The following NRCAM variants were observed in gnomAD, a reference collection of about 807,000 sequenced individuals.
NRCAM encodes NgCAM-related cell adhesion molecule.
A neutral mutation model predicts 156.5 loss-of-function variants in NRCAM; 83 were observed. The observed-to-expected ratio is 0.53, with a 90% CI of 0.44 to 0.64. The LOEUF is 0.64. Ranked by LOEUF, NRCAM falls within the 30% of genes least tolerant of loss-of-function variation. The pLI, the probability that NRCAM is intolerant of heterozygous loss-of-function variation, is 0.00. For missense variants in NRCAM, 1,417 were observed against 1,597.3 expected (o/e 0.89, Z 1.92); for synonymous variants, 538 against 563.9 (o/e 0.95, Z 0.65).
chr7:108,279,182 A>G (rs2097763244), intron 3 of NRCAM, among the ~76,000 whole-genome samples: 1 of 152,244 alleles, frequency 6.6e-6, no homozygotes, highest in Admixed American at 6.5e-5. Context: ...TAGCATGACT[A>G]AAATCGCTGG....
intron 9 of NRCAM, 48 bp from the exon 10 acceptor site, chr7:108,225,749 G>A (rs778153913): frequency 2.6e-6 from 3 of 1,147,776 alleles, no homozygotes; most frequent in Non-Finnish European, 4.0e-6. Flanking sequence ...TGGGGGAGAA[G>A]GGTCAAAAAG....
chr7:108,274,032 G>A (rs2097488384), intron 3 of NRCAM, among the ~76,000 whole-genome samples: 1 of 152,132 alleles, frequency 6.6e-6, no homozygotes, highest in Non-Finnish European at 1.5e-5. Context: ...TCTCAGGTTT[G>A]TCAAAGATTA....
At chr7:108,357,490 C>A (rs2099513546) in intron 2 of NRCAM, among the ~76,000 whole-genome samples, 2 of 152,114 alleles carry the variant, frequency 1.3e-5, no homozygotes, top group Non-Finnish European at 2.9e-5. Flanking sequence ...GCCACCACGA[C>A]TGGCTCATTT....
intron 2 of NRCAM, among the ~76,000 whole-genome samples, chr7:108,341,338 C>A (rs181343034): frequency 6.6e-6 from 1 of 152,204 alleles, no homozygotes; most frequent in African/African-American, 2.4e-5. Flanking sequence ...GACACTGGCT[C>A]GGCCTTCTCA....
At position 108,148,658 on chromosome 7, in the gene NRCAM, T is replaced by C. The variant is rs2150775245; in HGVS notation, c.*1252A>G. 6.5e-6 allele frequency: 1 copy of C among 152,798 alleles called. No individual in the cohort carries two copies. The highest frequency in any genetic ancestry group is 1.5e-5 in the Non-Finnish European group (1 of 68,014). The allele number at this position is 152,798 out of a possible 1,614,324, so 9.5% of individuals were successfully genotyped here. On this transcript the variant is annotated 3_prime_UTR_variant, in exon 33 of 33. Transcript: ENST00000379028. ...GTATCCATAACAATTTGCATACACG[T>C]TGTTTAATGCTGCAGAGTTTTGAAC...
In NRCAM at chr7:108,159,464, T is replaced by G. The variant is rs1285372087; in HGVS notation, c.3676A>C (p.Ser1226Arg). Reference sequence around the variant, plus strand: ...AAGAGCAGAGAAGCAGGGGCTCACCTGTATTCTCCAAATGTCCCATCATCT... The same window carrying G: ...AAGAGCAGAGAAGCAGGGGCTCACCGGTATTCTCCAAATGTCCCATCATCT... Reference protein sequence around the residue: ...KEDDGTFGEYSDAEDHKPLKK... With the variant: ...KEDDGTFGEYRDAEDHKPLKK... Residue 1226 changes from serine to arginine, a missense_variant and splice_region_variant, in exon 32 of 33, where the codon AGT (serine) becomes CGT (arginine). Ser to Arg is a moderately radical substitution (Grantham distance 110). Coordinates refer to ENST00000379028, the MANE Select transcript of NRCAM (RefSeq NM_001037132.4). The G allele has an allele frequency of 6.2e-7, 1 of 1,612,520 alleles. No individual in the cohort carries two copies. Among genetic ancestry groups the G allele is most frequent in the African/African-American group, 1.3e-5 (1 of 74,872 alleles).
chr7:108,240,479 A>G (rs2095448933), intron 3 of NRCAM, among the ~76,000 whole-genome samples: 1 of 152,198 alleles, frequency 6.6e-6, no homozygotes, highest in Non-Finnish European at 1.5e-5. Context: ...GATCAGGAAA[A>G]CTTGGCTTTT....
Position 108,195,800 on chromosome 7 carries a change from T to C in NRCAM, c.1424A>G (p.Asp475Gly), listed in dbSNP as rs2074711719. The C allele has an allele frequency of 6.2e-7, 1 of 1,613,234 alleles. No individual in the cohort carries two copies. The highest frequency in any genetic ancestry group is 8.5e-7 in the Non-Finnish European group (1 of 1,179,462). The change falls in exon 15 of 33, where the codon GAC becomes GGC. Residue 475 changes from aspartate (D) to glycine (G), a missense_variant. Asp to Gly is a moderately conservative substitution (Grantham distance 94). This residue lies in a region of NRCAM where 1,238 missense variants were observed against 1,336.4 expected (regional missense o/e 0.93). Coordinates refer to ENST00000379028, the MANE Select transcript of NRCAM (RefSeq NM_001037132.4). The stretch of plus-strand genomic sequence containing the variant: ...GAGAGGAGACCCAAAGAAGGCACAG[T>C]CTAGTAAAGCAGGCCTGTTTGCAAT... ...QVIANRPALLDCAFFGSPLPT... is the reference protein window; with the variant it reads ...QVIANRPALLGCAFFGSPLPT...
chr7:108,296,840 C>T (rs370459958), intron 3 of NRCAM, among the ~76,000 whole-genome samples: 45 of 152,172 alleles, frequency 3.0e-4, no homozygotes, highest in African/African-American at 1.0e-3. Context: ...AAACAAATAA[C>T]GAGAATCCTT....
intron 3 of NRCAM, among the ~76,000 whole-genome samples, chr7:108,247,662 T>C (rs901378689): frequency 6.8e-5 from 10 of 148,010 alleles, no homozygotes; most frequent in African/African-American, 2.3e-4. Flanking sequence ...TTAGGCATTA[T>C]ACTAATTTAT....
chr7:108,454,047 T>C (rs577855740), intron 1 of NRCAM, among the ~76,000 whole-genome samples: 3 of 152,306 alleles, frequency 2.0e-5, no homozygotes, highest in African/African-American at 7.2e-5. Context: ...GCCAGGAACA[T>C]CTATGTAATC....
At chr7:108,257,071 G>A (rs2096708887) in intron 3 of NRCAM, among the ~76,000 whole-genome samples, 1 of 146,124 alleles carries the variant, frequency 6.8e-6, no homozygotes, top group African/African-American at 2.5e-5. Context: ...AGGGAAAGAA[G>A]AAAGAAGGAA....
At chr7:108,248,667 A>C (rs941579803) in intron 3 of NRCAM, among the ~76,000 whole-genome samples, 6 of 152,126 alleles carry the variant, frequency 3.9e-5, no homozygotes, top group African/African-American at 1.4e-4. Context: ...AACTCAACAA[A>C]TGTCTTCCAA....
At chr7:108,286,858 G>A (rs1389993364) in intron 3 of NRCAM, among the ~76,000 whole-genome samples, 1 of 152,128 alleles carries the variant, frequency 6.6e-6, no homozygotes. Context: ...CTTACATAGT[G>A]AGGTTCCAGT....
At chr7:108,357,385 G>T (rs1352918646) in intron 2 of NRCAM, among the ~76,000 whole-genome samples, 3 of 151,266 alleles carry the variant, frequency 2.0e-5, no homozygotes, top group Non-Finnish European at 2.9e-5. Context: ...CCAGGCTGGG[G>T]TGCAATGGCA....
intron 2 of NRCAM, among the ~76,000 whole-genome samples, chr7:108,334,117 A>G (rs945548500): frequency 6.6e-6 from 1 of 152,236 alleles, no homozygotes; most frequent in Non-Finnish European, 1.5e-5. Context: ...TTGTCACAAC[A>G]TCAAGAATTT....
chr7:108,228,004 A>G (rs1403153135), intron 8 of NRCAM, among the ~76,000 whole-genome samples: 1 of 152,150 alleles, frequency 6.6e-6, no homozygotes, highest in East Asian at 1.9e-4. Flanking sequence ...TTAAGCCATT[A>G]GTTCCCGGGA....
intron 2 of NRCAM, among the ~76,000 whole-genome samples, chr7:108,350,659 T>C (rs1325638012): frequency 6.6e-6 from 1 of 151,818 alleles, no homozygotes; most frequent in East Asian, 1.9e-4. Flanking sequence ...CCCCTGTTGG[T>C]GCCTCCAAAA....
chr7:108,232,524 T>C lies in NRCAM; in HGVS notation c.231-2A>G. ...GTCCCATTACGGGTCCAGGAAAAGC[T>C]GCCCAACACACGAAGTGTTAAGTGT... On this transcript the variant is annotated splice_acceptor_variant, in intron 6 of 32. Coordinates refer to ENST00000379028, the MANE Select transcript of NRCAM (RefSeq NM_001037132.4). LOFTEE classifies it high-confidence loss of function. 1 of 1,606,104 alleles carries C rather than the reference T, an allele frequency of 6.2e-7. No individual in the cohort carries two copies. Among genetic ancestry groups the C allele is most frequent in the Non-Finnish European group, 8.5e-7 (1 of 1,176,786 alleles).
Sources: gnomAD v4.1 joint callset for allele counts (sites outside exome capture counted in the v4.1 genomes callset) on GRCh38, gnomAD v4.1.1 for gene constraint, gnomAD v4.1.1 regional missense constraint, MANE v1.5 for transcripts, NCBI Gene and HGNC (gene_info 2026-07-23, HGNC 2026-07-21) for gene names.